The following PPP4R3A variants were observed in gnomAD, a reference collection of about 807,000 sequenced individuals.
PPP4R3A encodes the protein serine/threonine-protein phosphatase 4 regulatory subunit 3A.
In PPP4R3A, 15 loss-of-function variants were observed where a neutral mutation model predicts 91.7. The observed-to-expected ratio is 0.16, with a 90% CI of 0.11 to 0.25. PPP4R3A has a LOEUF of 0.25. Ranked by LOEUF, PPP4R3A falls within the 10% of genes least tolerant of loss-of-function variation. The pLI, the probability that PPP4R3A is intolerant of heterozygous loss-of-function variation, is 1.00. For missense variants in PPP4R3A, 623 were observed against 998.4 expected, an observed-to-expected ratio of 0.62 and a Z score of 5.07; for synonymous variants, 377 against 348.7, an observed-to-expected ratio of 1.08 and a Z score of -0.91.
intron 1 of PPP4R3A, among the ~76,000 whole-genome samples, chr14:91,503,908 T>A (rs1891116273): frequency 6.6e-6 from 1 of 152,076 alleles, no homozygotes; most frequent in Non-Finnish European, 1.5e-5. Context: ...ACGGCTATCA[T>A]AAAAACTGAG....
intron 10 of PPP4R3A, 45 bp downstream of exon 10, chr14:91,470,792 C>A (rs371190592): frequency 1.3e-6 from 2 of 1,581,090 alleles, no homozygotes; most frequent in South Asian, 1.2e-5. Context: ...GTAAAAAATA[C>A]CAACATGTCA....
intron 1 of PPP4R3A, among the ~76,000 whole-genome samples, chr14:91,507,411 T>C (rs1256456179): frequency 9.9e-6 from 1 of 101,080 alleles, no homozygotes; most frequent in Non-Finnish European, 2.2e-5. Context: ...TAATTATATA[T>C]ACTATATAAT....
At chr14:91,484,377 G>A (rs1208838957) in intron 3 of PPP4R3A, among the ~76,000 whole-genome samples, 1 of 152,154 alleles carries the variant, frequency 6.6e-6, no homozygotes, top group East Asian at 1.9e-4. Flanking sequence ...AGCAGGGGGC[G>A]ACAAACCATA....
intron 2 of PPP4R3A, among the ~76,000 whole-genome samples, chr14:91,490,157 CTGAA>C (rs1411230491): frequency 7.2e-5 from 11 of 152,248 alleles, no homozygotes; most frequent in East Asian, 1.9e-4. Flanking sequence ...CGCGTGTGTA[CTGAA>C]TGAATACCAT....
intron 10 of PPP4R3A, among the ~76,000 whole-genome samples, chr14:91,468,018 T>C (rs893319112): frequency 6.6e-6 from 1 of 152,210 alleles, no homozygotes. Context: ...AAAACTCCTA[T>C]TGCATACTAC....
chr14:91,501,067 T>G (rs1566655415), intron 1 of PPP4R3A, among the ~76,000 whole-genome samples: 1 of 152,042 alleles, frequency 6.6e-6, no homozygotes, highest in East Asian at 1.9e-4. Context: ...AAAAACACCT[T>G]CTGGTACACA....
intron 7 of PPP4R3A, among the ~76,000 whole-genome samples, chr14:91,473,894 C>G (rs947149173): frequency 5.3e-5 from 8 of 152,126 alleles, no homozygotes; most frequent in African/African-American, 9.7e-5. Context: ...CTCAGCCTCC[C>G]TAGTAGCTGG....
intron 3 of PPP4R3A, among the ~76,000 whole-genome samples, chr14:91,482,855 T>C (rs1317230255): frequency 6.6e-6 from 1 of 152,142 alleles, no homozygotes; most frequent in Non-Finnish European, 1.5e-5. Flanking sequence ...CTAGGCAGAA[T>C]ACAAGTGTAC....
rs1843447719 is a variant in PPP4R3A, at chr14:91,495,537, TG to T, written c.143-4736del. ...GTTTAGGGCTGGGAGGAAGTGAAAG[TG>T]GGTAGTGATTGCTAATGGGCACATG... On this transcript the variant is annotated intron_variant, in intron 1 of 14. Transcript: ENST00000554943. 2.6e-5 allele frequency among the ~76,000 whole-genome samples: 4 copies of T among 151,822 alleles called. No individual in the cohort carries two copies. In the South Asian group the frequency reaches 8.3e-4, roughly 31 times the overall value.
chr14:91,465,361 G>A lies in PPP4R3A; in HGVS notation c.1719C>T (p.Tyr573=). 1 of 1,605,048 alleles carries A rather than the reference G, an allele frequency of 6.2e-7. No individual in the cohort carries two copies. Among genetic ancestry groups the A allele is most frequent in the East Asian group, 2.2e-5 (1 of 44,672 alleles). ...GTTCAAACAAAAAACTTTTCATTATGTAGCGGTTGTAAAACTCATCTTTTA... is the reference window on the plus strand; with the variant it reads ...GTTCAAACAAAAAACTTTTCATTATATAGCGGTTGTAAAACTCATCTTTTA... The part of the protein sequence containing the change: ...IGLKDEFYNR[Y]IMKSFLFEPV... The change falls in exon 11 of 15, where the codon TAC becomes TAT. Residue 573 remains tyrosine (Y), a synonymous_variant. Coordinates refer to ENST00000554943, the MANE Select transcript of PPP4R3A (RefSeq NM_001366432.2).
chr14:91,459,520 A>G (rs927419607), intron 14 of PPP4R3A, among the ~76,000 whole-genome samples: 3 of 137,598 alleles, frequency 2.2e-5, no homozygotes, highest in South Asian at 4.8e-4. Context: ...TTTTAAACAT[A>G]AAGTCTAAAA....
At chr14:91,465,129 AC>A (rs1355160836) in intron 11 of PPP4R3A, 120 bp downstream of exon 11, 2 of 719,138 alleles carry the variant, frequency 2.8e-6, no homozygotes, top group African/African-American at 2.4e-5. Context: ...GGCTTTTAGT[AC>A]TTTTTTTTTT....
At chr14:91,476,382 T>G (rs770282641) in intron 6 of PPP4R3A, 26 bp downstream of exon 6, 1 of 1,455,918 alleles carries the variant, frequency 6.9e-7, no homozygotes, top group South Asian at 1.2e-5. Flanking sequence ...AAATGGTAAT[T>G]AAAAATGAGG....
chr14:91,466,221 T>A, intron 10 of PPP4R3A: 1 of 985,638 alleles, frequency 1.0e-6, no homozygotes, highest in Non-Finnish European at 1.2e-6. Flanking sequence ...AGTAAGTTAA[T>A]GCCCCAGTTA....
intron 4 of PPP4R3A, 49 bp downstream of exon 4, chr14:91,481,527 G>A (rs777052958): frequency 6.7e-7 from 1 of 1,491,656 alleles, no homozygotes; most frequent in South Asian, 1.4e-5. Flanking sequence ...GGAGCAAATT[G>A]TTTTCGCTGC....
chr14:91,465,193 T>C, intron 11 of PPP4R3A, 57 bp downstream of exon 11: 1 of 1,317,362 alleles, frequency 7.6e-7, no homozygotes, highest in Non-Finnish European at 1.0e-6. Flanking sequence ...AGGTAATGCA[T>C]ATTCAATTTT....
intron 1 of PPP4R3A, among the ~76,000 whole-genome samples, chr14:91,501,501 G>GA (rs1890951834): frequency 6.6e-6 from 1 of 152,048 alleles, no homozygotes; most frequent in Non-Finnish European, 1.5e-5. Flanking sequence ...AAAAATAACA[G>GA]AAAAAACTAG....
rs1434523507 is a variant in PPP4R3A at position 91,507,403 on chromosome 14, AT to A, written c.142+2102del. Reference sequence around the variant, plus strand: ...TATACTATATAGTATATGTACTATAATTATATATACTATATAATATATATAC... The same window carrying A: ...TATACTATATAGTATATGTACTATAATATATATACTATATAATATATATAC... On this transcript the variant is annotated intron_variant, in intron 1 of 14. Coordinates refer to ENST00000554943, the MANE Select transcript of PPP4R3A (RefSeq NM_001366432.2). Among the ~76,000 whole-genome samples, 2 of 52,718 alleles carry A rather than the reference AT, an allele frequency of 3.8e-5. 1 individual carries two copies. Among genetic ancestry groups the A allele is most frequent in the Non-Finnish European group, 8.1e-5 (2 of 24,578 alleles). The allele number at this position is 52,718 out of a possible 152,430, so 34.6% of individuals were successfully genotyped here. A position where few individuals can be genotyped will look rare whatever the true frequency, so the allele number is the denominator to read the frequency against.
chr14:91,490,617 C>T, intron 2 of PPP4R3A, 130 bp downstream of exon 2: 1 of 671,614 alleles, frequency 1.5e-6, no homozygotes, highest in East Asian at 3.2e-5. Flanking sequence ...TGGCAGAAAT[C>T]CTATTTTAGA....
Sources: allele counts gnomAD v4.1 joint callset (sites outside exome capture counted in the v4.1 genomes callset), GRCh38; gene constraint gnomAD v4.1.1; transcripts MANE v1.5; gene names NCBI Gene and HGNC (gene_info 2026-07-23, HGNC 2026-07-21).